The following ZNF608 variants were observed in gnomAD, a reference collection of about 807,000 sequenced individuals.
ZNF608 encodes the protein renal carcinoma antigen NY-REN-36.
ZNF608 carries 12 observed loss-of-function variants against 109.0 expected under a neutral mutation model. The ratio of observed to expected loss-of-function variants is 0.11; its 90% CI spans 0.07 to 0.18. ZNF608 has a LOEUF of 0.18. Ranked by LOEUF, ZNF608 falls within the 10% of genes least tolerant of loss-of-function variation. ZNF608 has a pLI of 1.00. For missense variants in ZNF608, 1,707 were observed against 1,879.3 expected (o/e 0.91, Z 1.70); for synonymous variants, 732 against 717.4 (o/e 1.02, Z -0.33).
intron 3 of ZNF608, among the ~76,000 whole-genome samples, chr5:124,686,777 T>C (rs987245783): frequency 6.6e-6 from 1 of 152,188 alleles, no homozygotes; most frequent in Non-Finnish European, 1.5e-5. Flanking sequence ...AACATGGATA[T>C]GAGGAAGACA....
At chr5:124,728,830 T>C (rs1396848749) in intron 2 of ZNF608, among the ~76,000 whole-genome samples, 1 of 152,144 alleles carries the variant, frequency 6.6e-6, no homozygotes, top group Non-Finnish European at 1.5e-5. Context: ...ACTTAAACAA[T>C]GCGGACTTTA....
intron 3 of ZNF608, among the ~76,000 whole-genome samples, chr5:124,668,533 A>G (rs2149811269): frequency 6.6e-6 from 1 of 152,204 alleles, no homozygotes; most frequent in South Asian, 2.1e-4. Flanking sequence ...AACTAATTGG[A>G]ACAGAGCCAA....
rs374341296 is a variant in ZNF608 at position 124,744,777 on chromosome 5, A to C, written c.213T>G (p.Ser71Arg). The part of the protein sequence containing the change: ...NSKDCGGPAS[S>R]GAGATAALAD... ...CTAAGGCTGCGGTAGCACCAGCCCC[A>C]CTGGAGGCCGGACCTCCACAATCCT... The change falls in exon 2 of 10, where the codon AGT becomes AGG. Residue 71 changes from serine (S) to arginine (R), a missense_variant. By Grantham distance (110) the Ser-to-Arg change is moderately radical (BLOSUM62 -1). Transcript: ENST00000513986. The surrounding 1 kb of genome is among the most constrained non-coding windows in gnomAD (Gnocchi z 4.5). The C allele has an allele frequency of 3.7e-6, 6 of 1,614,194 alleles. No individual in the cohort carries two copies. The highest frequency in any genetic ancestry group is 5.1e-6 in the Non-Finnish European group (6 of 1,180,036).
intron 7 of ZNF608, among the ~76,000 whole-genome samples, chr5:124,641,620 A>G (rs1281403877): frequency 6.6e-6 from 1 of 152,212 alleles, no homozygotes; most frequent in Non-Finnish European, 1.5e-5. Context: ...CCCAAAGTAA[A>G]CCAAGTGACA....
chr5:124,716,167 A>T (rs867195477), intron 2 of ZNF608, among the ~76,000 whole-genome samples: 3 of 151,456 alleles, frequency 2.0e-5, no homozygotes, highest in African/African-American at 7.3e-5. Flanking sequence ...AAAAAAAGAA[A>T]AGAAAGAAAC....
At chr5:124,732,153 A>C (rs1445492394) in intron 2 of ZNF608, among the ~76,000 whole-genome samples, 2 of 152,190 alleles carry the variant, frequency 1.3e-5, no homozygotes, top group Non-Finnish European at 2.9e-5. Flanking sequence ...CCAGAACTTA[A>C]AGCTAGGAGA....
At chr5:124,739,176 T>G (rs1297157301) in intron 2 of ZNF608, among the ~76,000 whole-genome samples, 1 of 152,180 alleles carries the variant, frequency 6.6e-6, no homozygotes, top group Non-Finnish European at 1.5e-5. Context: ...ATAATGTCAT[T>G]TATCTCAGGG....
chr5:124,678,038 T>G (rs1335491763), intron 3 of ZNF608, among the ~76,000 whole-genome samples: 1 of 152,214 alleles, frequency 6.6e-6, no homozygotes, highest in Non-Finnish European at 1.5e-5. Flanking sequence ...AAATAAAGCC[T>G]TACATGGCTT....
intron 2 of ZNF608, among the ~76,000 whole-genome samples, chr5:124,739,095 G>A (rs1749269650): frequency 6.6e-6 from 1 of 152,104 alleles, no homozygotes; most frequent in South Asian, 2.1e-4. Flanking sequence ...CGACTCTTTT[G>A]TCAGAACCCA....
At chr5:124,639,301 T>G in intron 8 of ZNF608, 87 bp from the exon 9 acceptor site, 2 of 1,104,138 alleles carry the variant, frequency 1.8e-6, no homozygotes, top group Non-Finnish European at 2.8e-6. Flanking sequence ...GCAGACCTAG[T>G]AGCAGCATGG....
At chr5:124,668,195 AAT>A (rs34612595) in intron 3 of ZNF608, among the ~76,000 whole-genome samples, 90,564 of 135,374 alleles carry the variant, frequency 0.67, 30,517 homozygotes, top group African/African-American at 0.75. Context: ...TATGCTTAAA[AAT>A]ATATATATAT....
At position 124,638,598 on chromosome 5, in the gene ZNF608, C is replaced by T. The variant is rs148752542; in HGVS notation, c.4532+535G>A. On this transcript the variant is annotated intron_variant, in intron 9 of 9. Transcript: ENST00000513986. Reference sequence around the variant, plus strand: ...ACTGTAAACCAGAAAACCATAAGACCGATAGTCTTATTTTAATTCCATTCA... The same window carrying T: ...ACTGTAAACCAGAAAACCATAAGACTGATAGTCTTATTTTAATTCCATTCA... Among the ~76,000 whole-genome samples the T allele has an allele frequency of 7.2e-5, 11 of 152,174 alleles. 1 individual carries two copies. In the East Asian group the frequency reaches 1.4e-3, roughly 19 times the overall value.
intron 2 of ZNF608, among the ~76,000 whole-genome samples, chr5:124,719,866 C>T (rs1039782342): frequency 1.3e-5 from 2 of 152,214 alleles, no homozygotes; most frequent in African/African-American, 4.8e-5. Context: ...AGGGCAAGAG[C>T]TGTGCTTCTT....
chr5:124,662,779 C>T (rs1238886431), intron 3 of ZNF608, among the ~76,000 whole-genome samples: 1 of 152,024 alleles, frequency 6.6e-6, no homozygotes, highest in East Asian at 1.9e-4. Context: ...TCCCAGGTTG[C>T]CTTGTAATTC....
chr5:124,683,472 C>G (rs1752281793), intron 3 of ZNF608, among the ~76,000 whole-genome samples: 2 of 152,020 alleles, frequency 1.3e-5, no homozygotes, highest in South Asian at 2.1e-4. Flanking sequence ...TCATCACCTT[C>G]CATAATAAAA....
intron 3 of ZNF608, among the ~76,000 whole-genome samples, chr5:124,677,533 GC>G (rs1248665897): frequency 2.6e-5 from 4 of 152,138 alleles, no homozygotes; most frequent in Admixed American, 2.6e-4. Flanking sequence ...AGGCTCACAG[GC>G]AAGTACTTCC....
At chr5:124,703,685 C>G (rs1214246923) in intron 2 of ZNF608, among the ~76,000 whole-genome samples, 1 of 152,110 alleles carries the variant, frequency 6.6e-6, no homozygotes, top group Admixed American at 6.5e-5. Flanking sequence ...GGAGGAACAA[C>G]TGAGCCCAAG....
chr5:124,712,743 A>C (rs1293424451), intron 2 of ZNF608, among the ~76,000 whole-genome samples: 1 of 152,182 alleles, frequency 6.6e-6, no homozygotes, highest in African/African-American at 2.4e-5. Flanking sequence ...TGGCTTTTTA[A>C]AACCTGTAGA....
At chr5:124,691,760 G>C (rs1310617428) in intron 3 of ZNF608, among the ~76,000 whole-genome samples, 2 of 152,170 alleles carry the variant, frequency 1.3e-5, no homozygotes, top group East Asian at 3.8e-4. Flanking sequence ...ATCTAAAGTA[G>C]TTGGCCAAGG....
Sources: allele counts gnomAD v4.1 joint callset (sites outside exome capture counted in the v4.1 genomes callset), GRCh38; gene constraint gnomAD v4.1.1; non-coding constraint Gnocchi (gnomAD v3.1); transcripts MANE v1.5; gene names NCBI Gene and HGNC (gene_info 2026-07-23, HGNC 2026-07-21).